EGF: variants seen among roughly 807,000 people sequenced by gnomAD.
The protein encoded by EGF is epidermal growth factor.
A neutral mutation model predicts 143.8 loss-of-function variants in EGF; 95 were observed. The observed-to-expected ratio is 0.66, with a 90% CI of 0.56 to 0.78. EGF has a LOEUF of 0.78. EGF is among the 30% of genes least tolerant of loss of function. EGF has a pLI of 0.00. For synonymous variants in EGF, 510 were observed against 510.5 expected, an observed-to-expected ratio of 1.00 and a Z score of 0.01; for missense variants, 1,320 against 1,470.9, an observed-to-expected ratio of 0.90 and a Z score of 1.68.
Position 109,994,880 on chromosome 4 carries a change from A to AGT in EGF, c.3005+1_3005+2dup. 1 of 1,614,132 alleles carries AGT rather than the reference A, an allele frequency of 6.2e-7. No individual in the cohort carries two copies. Among genetic ancestry groups the AGT allele is most frequent in the Non-Finnish European group, 8.5e-7 (1 of 1,179,966 alleles). ...GAAGCATTGGACAAGTATGCATGCAAGTAAGTTAAACTGTCTTGCTGATGG... is the reference window on the plus strand; with the variant it reads ...GAAGCATTGGACAAGTATGCATGCAAGTGTAAGTTAAACTGTCTTGCTGATGG... On this transcript the variant is annotated frameshift_variant and splice_region_variant. Coordinates refer to ENST00000265171, the MANE Select transcript of EGF (RefSeq NM_001963.6). LOFTEE classifies it high-confidence loss of function.
chr4:109,928,501 A>G (rs925928101), intron 1 of EGF, among the ~76,000 whole-genome samples: 11 of 152,192 alleles, frequency 7.2e-5, no homozygotes, highest in African/African-American at 2.4e-4. Context: ...AGCAGGCTTC[A>G]GAGCTCTTAT....
At chr4:109,979,901 G>A (rs1749073540) in intron 13 of EGF, 71 bp from the exon 14 acceptor site, 6 of 1,572,192 alleles carry the variant, frequency 3.8e-6, no homozygotes, top group Non-Finnish European at 5.2e-6. Context: ...TAAATTTCAA[G>A]CCTTGTCCTT....
At chr4:109,977,434 G>A (rs1748670671) in intron 13 of EGF, 1 of 151,980 alleles carries the variant, frequency 6.6e-6, no homozygotes, top group Non-Finnish European at 1.5e-5. Context: ...TTTACTTCAG[G>A]GGTATTTATT....
At chr4:109,953,507 A>C (rs1029216833) in intron 5 of EGF, among the ~76,000 whole-genome samples, 3 of 151,950 alleles carry the variant, frequency 2.0e-5, no homozygotes, top group Admixed American at 2.0e-4. Flanking sequence ...CCTATTTCTT[A>C]ATTTACGTGT....
chr4:109,935,967 T>G (rs1006711615), intron 1 of EGF, among the ~76,000 whole-genome samples: 7 of 152,182 alleles, frequency 4.6e-5, no homozygotes, highest in African/African-American at 1.7e-4. Flanking sequence ...TTGAGGATTT[T>G]CATGTCAATG....
intron 1 of EGF, among the ~76,000 whole-genome samples, chr4:109,930,228 T>C (rs1295144571): frequency 6.6e-6 from 1 of 152,184 alleles, no homozygotes; most frequent in Non-Finnish European, 1.5e-5. Context: ...GAAAATGGAC[T>C]AATACAGTGC....
intron 9 of EGF, among the ~76,000 whole-genome samples, chr4:109,963,896 A>G (rs2126065918): frequency 6.6e-6 from 1 of 152,284 alleles, no homozygotes; most frequent in Non-Finnish European, 1.5e-5. Context: ...AGACCCCAAT[A>G]CTGTTAACTT....
chr4:109,994,043 T>G (rs1751417919), intron 19 of EGF, among the ~76,000 whole-genome samples: 1 of 152,002 alleles, frequency 6.6e-6, no homozygotes. Flanking sequence ...TTTTTTTTTT[T>G]TAGCATATTA....
At chr4:109,998,960 G>A (rs1485992665) in intron 20 of EGF, among the ~76,000 whole-genome samples, 3 of 152,214 alleles carry the variant, frequency 2.0e-5, no homozygotes, top group Non-Finnish European at 2.9e-5. Context: ...CACATTCCCA[G>A]TAGATGGCAG....
rs200909058 is a variant in EGF, at chr4:109,950,512, A to AT, written c.940+5238dup. Among the ~76,000 whole-genome samples the AT allele has an allele frequency of 9.6e-4, 146 of 152,306 alleles. 2 individuals carry two copies. In the East Asian group the frequency reaches 0.022, roughly 23 times the overall value. ...ATCCCTCAAAAAAGAAGGCCCAGTC[A>AT]TGTCACTCTTTGATTAAAATCCACT... On this transcript the variant is annotated intron_variant, in intron 5 of 23. Transcript: ENST00000265171.
intron 3 of EGF, among the ~76,000 whole-genome samples, 154 bp downstream of exon 3, chr4:109,943,589 G>A (rs11568899): frequency 1.4e-4 from 22 of 152,172 alleles, no homozygotes; most frequent in African/African-American, 5.3e-4. Context: ...ACAGTTGCCT[G>A]CATTTCAACT....
intron 20 of EGF, among the ~76,000 whole-genome samples, chr4:109,996,956 T>A (rs1391628457): frequency 6.6e-6 from 1 of 152,204 alleles, no homozygotes. Flanking sequence ...AAAAACAGGC[T>A]GTATGGTCAA....
At chr4:109,989,861 A>G (rs1360408795) in intron 18 of EGF, among the ~76,000 whole-genome samples, 10 of 152,130 alleles carry the variant, frequency 6.6e-5, no homozygotes. Context: ...GTTGGCACGG[A>G]GTCCTCAAAC....
chr4:109,958,521 T>C (rs574579123), intron 5 of EGF, among the ~76,000 whole-genome samples: 5 of 152,062 alleles, frequency 3.3e-5, no homozygotes, highest in Non-Finnish European at 7.4e-5. Flanking sequence ...CTACAGAAAT[T>C]TGAGGAGCAG....
At chr4:109,933,863 A>G (rs1390407307) in intron 1 of EGF, among the ~76,000 whole-genome samples, 1 of 152,208 alleles carries the variant, frequency 6.6e-6, no homozygotes, top group African/African-American at 2.4e-5. Context: ...TGCTATTGTG[A>G]ATAGTGCCAC....
Position 109,964,470 on chromosome 4 carries a change from A to G in EGF, c.1508A>G (p.Tyr503Cys). 6.2e-7 allele frequency: 1 copy of G among 1,614,018 alleles called. No individual in the cohort carries two copies. Among genetic ancestry groups the G allele is most frequent in the Non-Finnish European group, 8.5e-7 (1 of 1,179,870 alleles). The change falls in exon 10 of 24, where the codon TAT (tyrosine) becomes TGT (cysteine). Residue 503 changes from tyrosine (Y) to cysteine (C), a missense_variant. Coordinates refer to ENST00000265171, the MANE Select transcript of EGF (RefSeq NM_001963.6). ...IRHMHFDGTD[Y>C]GTLLSQQMGM... is the part of the protein sequence containing the mutation. ...CACATGCATTTTGATGGAACAGACT[A>G]TGGAACTCTGCTCAGCCAGCAGATG...
chr4:109,988,484 G>A (rs1750469908), intron 17 of EGF, 100 bp from the exon 18 acceptor site: 2 of 1,569,822 alleles, frequency 1.3e-6, no homozygotes, highest in Admixed American at 1.7e-5. Context: ...GTAAAGGACT[G>A]AATAAGAATT....
chr4:109,915,599 A>G (rs1736505716), intron 1 of EGF, among the ~76,000 whole-genome samples: 1 of 152,218 alleles, frequency 6.6e-6, no homozygotes, highest in Non-Finnish European at 1.5e-5. Flanking sequence ...ATGTTAGCTG[A>G]TAACTGCCTG....
chr4:110,006,163 T>C (rs962123438), intron 22 of EGF, among the ~76,000 whole-genome samples: 1 of 147,772 alleles, frequency 6.8e-6, no homozygotes, highest in African/African-American at 2.6e-5. Context: ...TATAGCAAGA[T>C]CATATTTCTT....
Sources: gnomAD v4.1 joint callset for allele counts (sites outside exome capture counted in the v4.1 genomes callset) on GRCh38, gnomAD v4.1.1 for gene constraint, MANE v1.5 for transcripts, NCBI Gene and HGNC (gene_info 2026-07-23, HGNC 2026-07-21) for gene names.